The following POGZ variants were observed in gnomAD, a reference collection of about 807,000 sequenced individuals.
The protein encoded by POGZ is pogo transposable element derived with ZNF domain.
In POGZ, 17 loss-of-function variants were observed where a neutral mutation model predicts 134.6. The observed-to-expected ratio is 0.13, with a 90% CI of 0.09 to 0.19. POGZ has a LOEUF of 0.19. Among genes scored for constraint, POGZ ranks in the 10% least tolerant of loss-of-function variants. POGZ has a pLI of 1.00. For synonymous variants in POGZ, 693 were observed against 657.1 expected, an observed-to-expected ratio of 1.05 and a Z score of -0.84; for missense variants, 1,306 against 1,769.7, an observed-to-expected ratio of 0.74 and a Z score of 4.70.
rs1653100222 is a variant in POGZ at position 151,403,725 on chromosome 1, G to C, written c.*1077C>G. ...ATAGGGGAAAGCCACAGAGCACGCTGGATTTCAACAAGTGGTCTTGTCTTT... is the reference window on the plus strand; with the variant it reads ...ATAGGGGAAAGCCACAGAGCACGCTCGATTTCAACAAGTGGTCTTGTCTTT... On this transcript the variant is annotated 3_prime_UTR_variant, in exon 19 of 19. Coordinates refer to ENST00000271715, the MANE Select transcript of POGZ (RefSeq NM_015100.4). 1 of 985,732 alleles carries C rather than the reference G, an allele frequency of 1.0e-6. No homozygotes were observed. The highest frequency in any genetic ancestry group is 1.2e-6 in the Non-Finnish European group (1 of 829,948). The allele number at this position is 985,732 out of a possible 1,614,324, so 61.1% of individuals were successfully genotyped here.
intron 3 of POGZ, among the ~76,000 whole-genome samples, chr1:151,439,702 C>T (rs1660211366): frequency 6.6e-6 from 1 of 152,166 alleles, no homozygotes; most frequent in Non-Finnish European, 1.5e-5. Context: ...AAACTAAAAA[C>T]CATACTCTCT....
chr1:151,408,402 C>T lies in POGZ; in HGVS notation c.2234+7G>A, dbSNP rs572865733. The T allele has an allele frequency of 6.3e-6, 10 of 1,584,518 alleles. No homozygotes were observed. The highest frequency in any genetic ancestry group is 1.4e-5 in the African/African-American group (1 of 73,064). On this transcript the variant is annotated splice_region_variant and intron_variant, in intron 14 of 18. Coordinates refer to ENST00000271715, the MANE Select transcript of POGZ (RefSeq NM_015100.4). ...CACCCGCCCAGCACTTAGAAGAAGGCGCTGACATTTTCCTAACAGCTCTCT... is the reference window on the plus strand; with the variant it reads ...CACCCGCCCAGCACTTAGAAGAAGGTGCTGACATTTTCCTAACAGCTCTCT...
intron 9 of POGZ, 120 bp downstream of exon 9, chr1:151,423,829 T>C: frequency 2.6e-6 from 2 of 761,356 alleles, no homozygotes; most frequent in Non-Finnish European, 4.2e-6. Flanking sequence ...GATTTAATGA[T>C]AACCCCAGCA....
At chr1:151,407,212 G>T in intron 16 of POGZ, 23 bp downstream of exon 16, 1 of 1,535,406 alleles carries the variant, frequency 6.5e-7, no homozygotes, top group Non-Finnish European at 8.9e-7. Context: ...AAATTAAGAT[G>T]CTGCCAATAA....
chr1:151,423,837 G>T, intron 9 of POGZ, 112 bp downstream of exon 9: 1 of 799,648 alleles, frequency 1.3e-6, no homozygotes, highest in Non-Finnish European at 1.9e-6. Context: ...GATAACCCCA[G>T]CAAGACTGCA....
intron 3 of POGZ, among the ~76,000 whole-genome samples, chr1:151,436,351 C>T (rs967334606): frequency 2.0e-5 from 3 of 152,172 alleles, no homozygotes; most frequent in Admixed American, 6.5e-5. Flanking sequence ...CTGGCAACCA[C>T]GAATCTAATT....
At chr1:151,413,291 A>AT (rs1184662051) in intron 10 of POGZ, among the ~76,000 whole-genome samples, 45 of 150,712 alleles carry the variant, frequency 3.0e-4, no homozygotes, top group Non-Finnish European at 4.9e-4. Context: ...ATTAAAAAAA[A>AT]TTTTTTTTTG....
chr1:151,405,651 G>GATCTCATCA lies in POGZ; in HGVS notation c.3375_3383dup (p.Asp1126_Ile1128dup). 6.2e-7 allele frequency: 1 copy of GATCTCATCA among 1,614,206 alleles called. No individual in the cohort carries two copies. Among genetic ancestry groups the GATCTCATCA allele is most frequent in the Non-Finnish European group, 8.5e-7 (1 of 1,180,042 alleles). On this transcript the variant is annotated inframe_insertion, in exon 19 of 19. Transcript: ENST00000271715. The surrounding 1 kb of genome is among the most constrained non-coding windows in gnomAD (Gnocchi z 4.9). ...GCACCTCTGTATCCAGGAACAAAGA[G>GATCTCATCA]ATCTCATCAATAGCCACAATCATAG...
At chr1:151,447,689 C>T (rs1375291744) in intron 1 of POGZ, among the ~76,000 whole-genome samples, 1 of 127,144 alleles carries the variant, frequency 7.9e-6, no homozygotes, top group Non-Finnish European at 1.6e-5. Flanking sequence ...GGGGTCTTAC[C>T]ATGTTTCCCA....
chr1:151,414,598 C>T (rs995392710), intron 10 of POGZ, among the ~76,000 whole-genome samples: 1 of 152,176 alleles, frequency 6.6e-6, no homozygotes, highest in Non-Finnish European at 1.5e-5. Flanking sequence ...GCCTGACCAA[C>T]ATGGAGAAAC....
intron 1 of POGZ, chr1:151,450,845 A>ATTTT (rs1571583386): frequency 1.3e-5 from 2 of 151,774 alleles, no homozygotes; most frequent in East Asian, 3.8e-4. Context: ...TGAACTTAAA[A>ATTTT]GTTACAGTAG....
rs1029869634 is a variant in POGZ at position 151,459,278 on chromosome 1, G to A, written c.-128C>T. 1.3e-5 allele frequency: 2 copies of A among 151,574 alleles called. No homozygotes were observed. The highest frequency in any genetic ancestry group is 4.8e-5 in the African/African-American group (2 of 41,276). 9.4% of individuals were successfully genotyped at this position (151,574 alleles called of 1,614,324 possible). A position where few individuals can be genotyped will look rare whatever the true frequency, so the allele number is the denominator to read the frequency against. ...GGACGGGGGCTTGGGGGGAGACGAA[G>A]AAGAGGTAACCGTTGAAAGCTCGTC... On this transcript the variant is annotated 5_prime_UTR_variant, in exon 1 of 19. Coordinates refer to ENST00000271715, the MANE Select transcript of POGZ (RefSeq NM_015100.4).
intron 11 of POGZ, 110 bp from the exon 12 acceptor site, chr1:151,411,881 C>A: frequency 6.0e-6 from 5 of 835,484 alleles, no homozygotes; most frequent in South Asian, 2.2e-5. Context: ...AAAGTTTTCT[C>A]AAATGCATAG....
chr1:151,446,074 A>C (rs1194366299), intron 1 of POGZ, among the ~76,000 whole-genome samples: 1 of 132,180 alleles, frequency 7.6e-6, no homozygotes, highest in East Asian at 2.1e-4. Flanking sequence ...TTTAGCCCCG[A>C]TCATGGGCAA....
chr1:151,405,444 A>C lies in POGZ; in HGVS notation c.3591T>G (p.Ser1197Arg). 6.2e-7 allele frequency: 1 copy of C among 1,614,010 alleles called. No individual in the cohort carries two copies. The highest frequency in any genetic ancestry group is 8.5e-7 in the Non-Finnish European group (1 of 1,179,974). The stretch of plus-strand genomic sequence containing the variant: ...CCATGATCTCGTCATCACTGTAGCC[A>C]CTCTCCTTTGCCTCTAGCAATATGG... ...PDSILLEAKE[S>R]GYSDDEIMEL... Residue 1197 changes from serine to arginine, a missense_variant, in exon 19 of 19, where the codon AGT (serine) becomes AGG (arginine). Around this residue, in one of 10 missense-constraint regions of POGZ, gnomAD observed 161 missense variants for 185.4 expected, o/e 0.87. Transcript: ENST00000271715. This position sits in a 1 kb window ranked among gnomAD's most constrained non-coding sequence, Gnocchi z 4.9.
intron 3 of POGZ, among the ~76,000 whole-genome samples, chr1:151,432,765 T>C (rs1467616731): frequency 6.6e-6 from 1 of 152,126 alleles, no homozygotes; most frequent in Admixed American, 6.6e-5. Flanking sequence ...ACCTTCTACA[T>C]AAGAACTTCA....
intron 15 of POGZ, among the ~76,000 whole-genome samples, chr1:151,407,514 G>A (rs1013166247): frequency 2.0e-5 from 3 of 152,100 alleles, no homozygotes; most frequent in Non-Finnish European, 4.4e-5. Context: ...CCTAGGGCGG[G>A]GCTGAGAGTC....
At chr1:151,445,108 G>A (rs1661082489) in intron 1 of POGZ, among the ~76,000 whole-genome samples, 1 of 152,080 alleles carries the variant, frequency 6.6e-6, no homozygotes, top group Non-Finnish European at 1.5e-5. Flanking sequence ...CTGAAAAGAT[G>A]GCAAAGAAAG....
chr1:151,438,674 T>C (rs1350233257), intron 3 of POGZ, among the ~76,000 whole-genome samples: 1 of 152,064 alleles, frequency 6.6e-6, no homozygotes, highest in Admixed American at 6.5e-5. Context: ...GCTTGGGAGT[T>C]TGAGACCAGC....
Sources: allele counts gnomAD v4.1 joint callset (sites outside exome capture counted in the v4.1 genomes callset), GRCh38; gene constraint gnomAD v4.1.1; regional missense constraint gnomAD v4.1.1; non-coding constraint Gnocchi (gnomAD v3.1); transcripts MANE v1.5; gene names NCBI Gene and HGNC (gene_info 2026-07-23, HGNC 2026-07-21).